The following S100PBP variants were observed in gnomAD, a reference collection of about 807,000 sequenced individuals.
The protein encoded by S100PBP is S100P binding protein.
S100PBP carries 15 observed loss-of-function variants against 39.9 expected under a neutral mutation model. The observed-to-expected ratio is 0.38, with a 90% CI of 0.25 to 0.58. S100PBP has a LOEUF of 0.58. S100PBP is among the 20% of genes least tolerant of loss of function. S100PBP has a pLI of 0.70. For synonymous variants in S100PBP, 178 were observed against 180.3 expected, an observed-to-expected ratio of 0.99 and a Z score of 0.10; for missense variants, 504 against 487.3, an observed-to-expected ratio of 1.03 and a Z score of -0.32.
chr1:32,847,474 A>G (rs1318754923), intron 5 of S100PBP: 1 of 151,998 alleles, frequency 6.6e-6, no homozygotes, highest in Admixed American at 6.5e-5. Flanking sequence ...TAAGTCCCCC[A>G]TTCATCTTAG....
intron 5 of S100PBP, among the ~76,000 whole-genome samples, chr1:32,838,333 CAAAAAAA>C (rs770251816): frequency 1.5e-5 from 1 of 67,876 alleles, no homozygotes; most frequent in Non-Finnish European, 2.8e-5. Flanking sequence ...GACTCTGTCT[CAAAAAAA>C]AAAAAAAAAA....
At chr1:32,838,937 C>A (rs1355700026) in intron 5 of S100PBP, among the ~76,000 whole-genome samples, 1 of 151,180 alleles carries the variant, frequency 6.6e-6, no homozygotes, top group East Asian at 1.9e-4. Context: ...TCAATAATTT[C>A]TTGGTCTTGC....
intron 1 of S100PBP, 182 bp downstream of exon 1, chr1:32,817,871 C>T (rs560674763): frequency 4.5e-5 from 7 of 154,730 alleles, no homozygotes; most frequent in South Asian, 1.8e-4. Context: ...ATGTCCCTGC[C>T]CCTCCACCTC....
chr1:32,830,460 T>C (rs1639544832), intron 5 of S100PBP, among the ~76,000 whole-genome samples: 1 of 152,228 alleles, frequency 6.6e-6, no homozygotes, highest in Non-Finnish European at 1.5e-5. Flanking sequence ...CTTCAGCATT[T>C]AAAAGCAGGC....
intron 5 of S100PBP, among the ~76,000 whole-genome samples, chr1:32,844,630 C>G (rs573533474): frequency 6.6e-6 from 1 of 152,076 alleles, no homozygotes; most frequent in East Asian, 1.9e-4. Context: ...GCCACTATGC[C>G]TAGCTAATTT....
chr1:32,817,361 GC>G, upstream of S100PBP: 1 of 1,345,194 alleles, frequency 7.4e-7, no homozygotes, highest in South Asian at 1.2e-5. Context: ...CATCAGCTGG[GC>G]TCGGCGCTCC....
rs5773387 is a variant in S100PBP, at chr1:32,820,144, CT to C, written c.-120+2475del. ...ACTCTTTTTTCCTACCGTTCCTATG[CT>C]TTTTTTTTTTTTTTTTTTTGAGATG... On this transcript the variant is annotated intron_variant, in intron 1 of 6. Transcript: ENST00000373475. Among the ~76,000 whole-genome samples, 10 of 104,800 alleles carry C rather than the reference CT, an allele frequency of 9.5e-5. 1 individual carries two copies. The highest frequency in any genetic ancestry group is 1.6e-4 in the African/African-American group (4 of 25,512). The allele number at this position is 104,800 out of a possible 152,430, so 68.8% of individuals were successfully genotyped here.
Position 32,826,265 on chromosome 1 carries a change from G to A in S100PBP, c.166G>A (p.Glu56Lys). The A allele has an allele frequency of 6.2e-7, 1 of 1,614,130 alleles. No individual in the cohort carries two copies. The highest frequency in any genetic ancestry group is 8.5e-7 in the Non-Finnish European group (1 of 1,180,006). The change falls in exon 3 of 7, where the codon GAA (glutamate) becomes AAA (lysine). Residue 56 changes from glutamate to lysine, a missense_variant. By Grantham distance (56) the Glu-to-Lys change is moderately conservative (BLOSUM62 1). Transcript: ENST00000373475. ...TGATGGTGATGTAAATTACACAGAG[G>A]AAGAGATTGATGCACTGTTGAAGGA... ...EDDGDVNYTE[E>K]EIDALLKEDD...
upstream of S100PBP, chr1:32,816,991 A>G: frequency 1.5e-6 from 1 of 677,954 alleles, no homozygotes; most frequent in East Asian, 2.7e-5. Context: ...AGGTGAGCCC[A>G]CTGTGATTTC....
intron 6 of S100PBP, among the ~76,000 whole-genome samples, chr1:32,854,404 G>A (rs1640743293): frequency 1.3e-5 from 2 of 152,080 alleles, no homozygotes; most frequent in Admixed American, 6.6e-5. Context: ...AGGAAATAAT[G>A]ACAAGGAAAA....
In S100PBP at chr1:32,848,003, G is replaced by A. The variant is rs530848525; in HGVS notation, c.1025-5076G>A. 3.4e-4 allele frequency among the ~76,000 whole-genome samples: 51 copies of A among 152,176 alleles called. 1 individual carries two copies. Among genetic ancestry groups the A allele is most frequent in the African/African-American group, 1.2e-3 (48 of 41,532 alleles). ...AATTAACCGTAGAGCCGAACTACAC[G>A]CTCCGTCAGAAATGTGTGCCTCTAA... is the stretch of plus-strand genomic sequence containing the variant. On this transcript the variant is annotated intron_variant, in intron 5 of 6. Coordinates refer to ENST00000373475, the MANE Select transcript of S100PBP (RefSeq NM_022753.4).
intron 5 of S100PBP, among the ~76,000 whole-genome samples, chr1:32,841,821 C>A (rs1365891412): frequency 6.7e-6 from 1 of 149,450 alleles, no homozygotes; most frequent in Non-Finnish European, 1.5e-5. Context: ...CAAAAATTTT[C>A]TCCTATGTTT....
intron 1 of S100PBP, chr1:32,818,528 C>G (rs1638873267): frequency 6.6e-6 from 1 of 152,336 alleles, no homozygotes; most frequent in African/African-American, 2.4e-5. Context: ...TTATTAGGGA[C>G]TCCAAGCTCT....
At chr1:32,845,285 G>A (rs1340935326) in intron 5 of S100PBP, among the ~76,000 whole-genome samples, 1 of 152,082 alleles carries the variant, frequency 6.6e-6, no homozygotes, top group Non-Finnish European at 1.5e-5. Flanking sequence ...TTAAAAAATA[G>A]AGACAGTAGC....
At chr1:32,822,071 AT>A (rs1569826394) in intron 1 of S100PBP, among the ~76,000 whole-genome samples, 1 of 152,346 alleles carries the variant, frequency 6.6e-6, no homozygotes, top group African/African-American at 2.4e-5. Context: ...TTAAAAAAAA[AT>A]ATGACATAAG....
At chr1:32,840,036 G>A (rs1374017348) in intron 5 of S100PBP, among the ~76,000 whole-genome samples, 1 of 152,002 alleles carries the variant, frequency 6.6e-6, no homozygotes, top group Non-Finnish European at 1.5e-5. Context: ...TCAGGCTGGA[G>A]TGCAGCGGTG....
rs1401953560 is a variant in S100PBP, at chr1:32,842,232, T to C, written c.1025-10847T>C. Among the ~76,000 whole-genome samples the C allele has an allele frequency of 9.9e-5, 8 of 80,798 alleles. No homozygotes were observed. The East Asian group carries it at 1.4e-3, about 14-fold the overall frequency. The allele number at this position is 80,798 out of a possible 152,430, so 53.0% of individuals were successfully genotyped here. On this transcript the variant is annotated intron_variant, in intron 5 of 6. Transcript: ENST00000373475. ...ATATATATATATATGTATATATATA[T>C]ATATACACACACACACACACACACA...
chr1:32,821,241 C>T (rs1485073568), intron 1 of S100PBP, among the ~76,000 whole-genome samples: 1 of 152,098 alleles, frequency 6.6e-6, no homozygotes, highest in Non-Finnish European at 1.5e-5. Flanking sequence ...AGATCAAGAC[C>T]ATCCTGAATT....
chr1:32,822,542 G>A (rs1024266605), intron 1 of S100PBP, among the ~76,000 whole-genome samples: 1 of 151,220 alleles, frequency 6.6e-6, no homozygotes, highest in Admixed American at 6.6e-5. Context: ...GTGTGAACCC[G>A]GGAGGCAGAC....
Sources: gnomAD v4.1 joint callset for allele counts (sites outside exome capture counted in the v4.1 genomes callset) on GRCh38, gnomAD v4.1.1 for gene constraint, MANE v1.5 for transcripts, NCBI Gene and HGNC (gene_info 2026-07-23, HGNC 2026-07-21) for gene names.